The following LARGE1 variants were observed in gnomAD, a reference collection of about 807,000 sequenced individuals.
LARGE1 encodes LARGE xylosyl- and glucuronyltransferase 1.
Under a neutral mutation model 87.6 loss-of-function variants are expected in LARGE1, and 43 were observed. That is an observed-to-expected ratio of 0.49 (90% CI 0.38 to 0.63). The LOEUF is 0.63. Ranked by LOEUF, LARGE1 falls within the 30% of genes least tolerant of loss-of-function variation. LARGE1 has a pLI of 0.00. For synonymous variants in LARGE1, 434 were observed against 394.6 expected, an observed-to-expected ratio of 1.10 and a Z score of -1.18; for missense variants, 802 against 1,000.2, an observed-to-expected ratio of 0.80 and a Z score of 2.67.
At chr22:33,607,311 A>G (rs2079292784) in intron 4 of LARGE1, among the ~76,000 whole-genome samples, 1 of 152,048 alleles carries the variant, frequency 6.6e-6, no homozygotes, top group African/African-American at 2.4e-5. Flanking sequence ...AAAATACAAA[A>G]TTAGCCAGGC....
chr22:33,829,355 G>A (rs1220460681), intron 1 of LARGE1, among the ~76,000 whole-genome samples: 1 of 151,860 alleles, frequency 6.6e-6, no homozygotes, highest in Non-Finnish European at 1.5e-5. Flanking sequence ...CTTCACGCAT[G>A]GCCCAGAGAG....
intron 4 of LARGE1, among the ~76,000 whole-genome samples, chr22:33,606,742 C>T (rs985933160): frequency 7.9e-5 from 12 of 152,100 alleles, no homozygotes; most frequent in African/African-American, 2.9e-4. Flanking sequence ...GTCAGACATA[C>T]CCACACTGCC....
intron 1 of LARGE1, among the ~76,000 whole-genome samples, chr22:33,892,168 C>T (rs1181553599): frequency 6.6e-6 from 1 of 152,110 alleles, no homozygotes. Flanking sequence ...ATAATGCTAC[C>T]TAATGAGCCA....
At chr22:33,279,816 C>T (rs1226050172) in intron 13 of LARGE1, among the ~76,000 whole-genome samples, 2 of 152,220 alleles carry the variant, frequency 1.3e-5, no homozygotes, top group African/African-American at 2.4e-5. Flanking sequence ...GTCTTAACAC[C>T]TGATGCCTTC....
At chr22:33,822,832 C>T (rs1201987307) in intron 1 of LARGE1, among the ~76,000 whole-genome samples, 1 of 152,164 alleles carries the variant, frequency 6.6e-6, no homozygotes. Context: ...TCTTCCTCAG[C>T]GCCTGGAAGT....
At chr22:33,257,448 AAAAC>A (rs1927364698) in intron 11 of LARGE1, among the ~76,000 whole-genome samples, 2 of 149,774 alleles carry the variant, frequency 1.3e-5, no homozygotes, top group East Asian at 2.0e-4. Context: ...AACAAAAACA[AAAAC>A]AAAAACAAAA....
chr22:33,833,504 C>G (rs529216056), intron 1 of LARGE1, among the ~76,000 whole-genome samples: 1 of 152,106 alleles, frequency 6.6e-6, no homozygotes, highest in African/African-American at 2.4e-5. Context: ...GAGAGAGGCC[C>G]TGGAAGAAGC....
intron 6 of LARGE1, among the ~76,000 whole-genome samples, chr22:33,469,721 G>C (rs1045798817): frequency 6.6e-6 from 1 of 151,562 alleles, no homozygotes; most frequent in Non-Finnish European, 1.5e-5. Flanking sequence ...CCAGCTACTC[G>C]AGAGGCTAAG....
chr22:33,544,221 A>G (rs929879157), intron 6 of LARGE1, among the ~76,000 whole-genome samples: 3 of 152,160 alleles, frequency 2.0e-5, no homozygotes, highest in Non-Finnish European at 4.4e-5. Flanking sequence ...ATTCTGCCTT[A>G]TATCTTTTTG....
At chr22:33,341,005 C>A (rs1231988224) in intron 9 of LARGE1, among the ~76,000 whole-genome samples, 2 of 148,872 alleles carry the variant, frequency 1.3e-5, no homozygotes, top group African/African-American at 5.2e-5. Context: ...TACCTTTACT[C>A]TCTCCTCCTG....
At chr22:33,597,227 A>G (rs1046747476) in intron 5 of LARGE1, among the ~76,000 whole-genome samples, 2 of 151,634 alleles carry the variant, frequency 1.3e-5, no homozygotes, top group South Asian at 2.1e-4. Context: ...AGAAAGAAAC[A>G]TATGTGATCT....
At chr22:33,179,453 CT>C (rs1378647972) in intron 11 of LARGE1, among the ~76,000 whole-genome samples, 1 of 152,086 alleles carries the variant, frequency 6.6e-6, no homozygotes, top group Non-Finnish European at 1.5e-5. Flanking sequence ...AAAGTTTTTG[CT>C]TTTATTACAT....
At chr22:33,120,683 A>C in the LARGE1 span, among the ~76,000 whole-genome samples, 1 of 151,630 alleles carries the variant, frequency 6.6e-6, no homozygotes, top group Non-Finnish European at 1.5e-5. Flanking sequence ...CGTGCAGCTA[A>C]TTTTTGTATT....
downstream of LARGE1, among the ~76,000 whole-genome samples, chr22:33,271,583 T>C (rs1024628163): frequency 1.3e-5 from 2 of 152,234 alleles, no homozygotes; most frequent in Non-Finnish European, 2.9e-5. Context: ...TATTTAAGCA[T>C]GAAAACATCT....
intron 8 of LARGE1, among the ~76,000 whole-genome samples, chr22:33,382,518 C>T (rs142354767): frequency 5.9e-4 from 90 of 152,222 alleles, no homozygotes; most frequent in African/African-American, 2.0e-3. Flanking sequence ...CTGGGGCCTG[C>T]GGTGGACTCA....
chr22:33,149,755 A>T, the LARGE1 span, among the ~76,000 whole-genome samples: 1 of 152,118 alleles, frequency 6.6e-6, no homozygotes, highest in South Asian at 2.1e-4. Flanking sequence ...TCAGCTCCTT[A>T]TGCTTGTTGG....
chr22:33,877,641 G>T (rs1261789280), intron 1 of LARGE1, among the ~76,000 whole-genome samples: 1 of 152,110 alleles, frequency 6.6e-6, no homozygotes, highest in Admixed American at 6.6e-5. Flanking sequence ...TTAAAATACA[G>T]GCTGGGCACG....
At chr22:33,333,175 A>C (rs928952710) in intron 10 of LARGE1, among the ~76,000 whole-genome samples, 6 of 151,800 alleles carry the variant, frequency 4.0e-5, no homozygotes, top group African/African-American at 1.5e-4. Flanking sequence ...GCCCACCACC[A>C]AGCTCGGCTA....
chr22:33,916,551 ATGT>A (rs1434836843), intron 1 of LARGE1, among the ~76,000 whole-genome samples: 3 of 152,158 alleles, frequency 2.0e-5, no homozygotes, highest in Non-Finnish European at 2.9e-5. Context: ...CAAATACTCC[ATGT>A]AGAGCGACCT....
Sources: gnomAD v4.1 joint callset for allele counts (sites outside exome capture counted in the v4.1 genomes callset) on GRCh38, gnomAD v4.1.1 for gene constraint, MANE v1.5 for transcripts, NCBI Gene and HGNC (gene_info 2026-07-23, HGNC 2026-07-21) for gene names.